The following SGCZ variants were observed in gnomAD, a reference collection of about 807,000 sequenced individuals.
SGCZ encodes the protein sarcoglycan zeta.
Under a neutral mutation model 41.3 loss-of-function variants are expected in SGCZ, and 40 were observed. That is an observed-to-expected ratio of 0.97 (90% confidence interval 0.75 to 1.26). The LOEUF (loss-of-function observed/expected upper bound fraction) is 1.26. Ranked by LOEUF, SGCZ falls within the 50% of genes most tolerant of loss-of-function variation. The pLI is 0.00. For synonymous variants in SGCZ, 206 were observed against 137.5 expected (o/e 1.50, Z -3.49); for missense variants, 552 against 369.8 (o/e 1.49, Z -4.04).
At chr8:14,563,776 C>T (rs530341677) in intron 1 of SGCZ, among the ~76,000 whole-genome samples, 169 of 152,272 alleles carry the variant, frequency 1.1e-3, no homozygotes, top group African/African-American at 4.0e-3. Flanking sequence ...TTAAGTCCAG[C>T]TGTTGAGAAC....
In SGCZ at chr8:15,173,464, G is replaced by T. The variant is rs114838693; in HGVS notation, c.39+64121C>A. On this transcript the variant is annotated intron_variant, in intron 1 of 7. Coordinates refer to ENST00000382080, the MANE Select transcript of SGCZ (RefSeq NM_139167.4). ...AACATAATACCTGGCACATATCTAGGGCTCACTGAATGTAGAGAATTATTA... is the reference window on the plus strand; with the variant it reads ...AACATAATACCTGGCACATATCTAGTGCTCACTGAATGTAGAGAATTATTA... Among the ~76,000 whole-genome samples the T allele has an allele frequency of 7.6e-3, 1,157 of 152,098 alleles. 12 individuals are homozygous for T. Among genetic ancestry groups the T allele is most frequent in the African/African-American group, 0.025 (1,023 of 41,476 alleles).
intron 1 of SGCZ, among the ~76,000 whole-genome samples, chr8:15,016,024 C>T (rs1229944473): frequency 6.6e-6 from 1 of 152,034 alleles, no homozygotes; most frequent in Non-Finnish European, 1.5e-5. Context: ...ATTCATTTGA[C>T]AGCCTTTATT....
intron 1 of SGCZ, among the ~76,000 whole-genome samples, chr8:14,637,687 G>T (rs1806880040): frequency 6.6e-6 from 1 of 151,794 alleles, no homozygotes; most frequent in African/African-American, 2.4e-5. Flanking sequence ...ATTCCATGGT[G>T]TACATATACC....
At chr8:14,636,438 A>G (rs1002020558) in intron 1 of SGCZ, among the ~76,000 whole-genome samples, 3 of 151,970 alleles carry the variant, frequency 2.0e-5, no homozygotes, top group Admixed American at 1.3e-4. Flanking sequence ...TGAACTGACT[A>G]GGAACTAAAT....
intron 1 of SGCZ, among the ~76,000 whole-genome samples, chr8:14,822,949 C>T (rs543368320): frequency 1.3e-4 from 20 of 150,336 alleles, no homozygotes; most frequent in African/African-American, 4.2e-4. Flanking sequence ...AGCTGCTTGG[C>T]TGGCTGAGGC....
intron 1 of SGCZ, among the ~76,000 whole-genome samples, chr8:15,188,731 A>G (rs1800429791): frequency 6.6e-6 from 1 of 152,182 alleles, no homozygotes. Flanking sequence ...AATAATAAAT[A>G]CACATGCTGC....
chr8:14,179,159 T>C (rs1427579267), intron 4 of SGCZ, among the ~76,000 whole-genome samples: 1 of 152,152 alleles, frequency 6.6e-6, no homozygotes, highest in East Asian at 1.9e-4. Context: ...AAGATACAAA[T>C]TGTCAGGTCA....
chr8:15,170,668 A>C (rs1246939472), intron 1 of SGCZ, among the ~76,000 whole-genome samples: 2 of 152,196 alleles, frequency 1.3e-5, no homozygotes, highest in Non-Finnish European at 2.9e-5. Context: ...CGCTCTTTCA[A>C]AAGCAAATAG....
At chr8:15,020,078 A>G (rs1322118961) in intron 1 of SGCZ, among the ~76,000 whole-genome samples, 3 of 151,864 alleles carry the variant, frequency 2.0e-5, no homozygotes, top group African/African-American at 7.3e-5. Flanking sequence ...CATCAATATC[A>G]CTGTACTTTT....
intron 3 of SGCZ, among the ~76,000 whole-genome samples, chr8:14,238,762 G>T (rs149544771): frequency 1.3e-5 from 2 of 151,840 alleles, no homozygotes; most frequent in African/African-American, 4.8e-5. Context: ...GGGACATTTC[G>T]GTGATCAAAA....
At chr8:14,634,311 A>C (rs1051966067) in intron 1 of SGCZ, among the ~76,000 whole-genome samples, 1 of 151,654 alleles carries the variant, frequency 6.6e-6, no homozygotes, top group East Asian at 1.9e-4. Context: ...AAAATGCAAA[A>C]TTTTTATCCA....
chr8:14,971,019 C>T (rs907847892), intron 1 of SGCZ, among the ~76,000 whole-genome samples: 1 of 152,084 alleles, frequency 6.6e-6, no homozygotes, highest in African/African-American at 2.4e-5. Context: ...AGTTTTGTCT[C>T]TAGGACATAT....
chr8:15,236,675 A>G (rs552822666), intron 1 of SGCZ, among the ~76,000 whole-genome samples: 103 of 118,550 alleles, frequency 8.7e-4, no homozygotes, highest in Admixed American at 3.1e-4. Context: ...ATATAAATAT[A>G]TATATTTTTT....
chr8:14,318,670 G>C (rs1309169283), intron 3 of SGCZ, among the ~76,000 whole-genome samples: 1 of 151,870 alleles, frequency 6.6e-6, no homozygotes, highest in East Asian at 1.9e-4. Context: ...GGTCTGGTTG[G>C]CACAAATCAT....
chr8:14,415,463 A>T (rs9918835), intron 2 of SGCZ, among the ~76,000 whole-genome samples: 103,462 of 151,628 alleles, frequency 0.68, 35,416 homozygotes, highest in East Asian at 0.83. Flanking sequence ...TAATAAAAAG[A>T]CAAATTGCCA....
At chr8:14,141,298 A>G (rs1303571956) in intron 5 of SGCZ, among the ~76,000 whole-genome samples, 1 of 152,218 alleles carries the variant, frequency 6.6e-6, no homozygotes, top group East Asian at 1.9e-4. Context: ...AATCACAACA[A>G]GAGCCAAAAT....
chr8:15,040,386 G>A (rs1804047596), intron 1 of SGCZ, among the ~76,000 whole-genome samples: 1 of 152,190 alleles, frequency 6.6e-6, no homozygotes, highest in Non-Finnish European at 1.5e-5. Flanking sequence ...AGGCCGAGGC[G>A]GACGGATCAC....
At chr8:14,093,579 T>C (rs1032697362) in intron 7 of SGCZ, among the ~76,000 whole-genome samples, 1 of 152,104 alleles carries the variant, frequency 6.6e-6, no homozygotes, top group Non-Finnish European at 1.5e-5. Context: ...AGAGATTTAA[T>C]GAGTGGGGGG....
intron 1 of SGCZ, among the ~76,000 whole-genome samples, chr8:14,787,129 G>A (rs902823410): frequency 1.3e-5 from 2 of 152,134 alleles, no homozygotes; most frequent in Admixed American, 1.3e-4. Context: ...TGACACAGAA[G>A]CAACAGAAAG....
Sources: gnomAD v4.1 joint callset for allele counts (sites outside exome capture counted in the v4.1 genomes callset) on GRCh38, gnomAD v4.1.1 for gene constraint, MANE v1.5 for transcripts, NCBI Gene and HGNC (gene_info 2026-07-23, HGNC 2026-07-21) for gene names.